APAF1: variants seen among roughly 807,000 people sequenced by gnomAD.
APAF1 encodes the protein apoptotic protease-activating factor 1.
APAF1 carries 91 observed loss-of-function variants against 152.4 expected under a neutral mutation model. The ratio of observed to expected loss-of-function variants is 0.60; its 90% CI spans 0.50 to 0.71. The LOEUF (loss-of-function observed/expected upper bound fraction) is 0.71, where lower values mean the gene tolerates loss of function less well. Among genes scored for constraint, APAF1 ranks in the 30% least tolerant of loss-of-function variants. The pLI, the probability that APAF1 is intolerant of heterozygous loss-of-function variation, is 0.00. For missense variants in APAF1, 1,283 were observed against 1,472.0 expected (o/e 0.87, Z 2.10); for synonymous variants, 484 against 494.1 (o/e 0.98, Z 0.27).
At chr12:98,650,837 T>G (rs73374754) in intron 4 of APAF1, among the ~76,000 whole-genome samples, 3,868 of 152,262 alleles carry the variant, frequency 0.025, 171 homozygotes, top group African/African-American at 0.089. Flanking sequence ...CAGGATAAAT[T>G]TAGCTTAAGT....
chr12:98,725,338 A>G (rs1437151240), intron 24 of APAF1, 77 bp from the exon 25 acceptor site: 1 of 1,574,348 alleles, frequency 6.4e-7, no homozygotes, highest in African/African-American at 1.3e-5. Flanking sequence ...GATTGAATTT[A>G]TGGCTGAATA....
chr12:98,723,352 T>G (rs750367842), intron 23 of APAF1, 40 bp downstream of exon 23: 5 of 1,588,966 alleles, frequency 3.1e-6, no homozygotes, highest in Non-Finnish European at 4.3e-6. Flanking sequence ...AAAAGTATTC[T>G]CATATTGCAA....
At chr12:98,645,959 G>T (rs1476287243) in intron 1 of APAF1, 124 bp downstream of exon 1, 1 of 152,240 alleles carries the variant, frequency 6.6e-6, no homozygotes, top group Non-Finnish European at 1.5e-5. Flanking sequence ...GTACCAGGAA[G>T]AGAAATTCTG....
chr12:98,679,244 T>C (rs12578662), intron 13 of APAF1, among the ~76,000 whole-genome samples: 18,304 of 152,110 alleles, frequency 0.12, 1,153 homozygotes, highest in East Asian at 0.23. Context: ...CCCACTCTAG[T>C]GCCCCCTCTT....
chr12:98,688,050 T>TA (rs1485318036), intron 16 of APAF1, among the ~76,000 whole-genome samples: 1 of 152,302 alleles, frequency 6.6e-6, no homozygotes, highest in East Asian at 1.9e-4. Context: ...ACTTATAATT[T>TA]ATTCATTCTG....
intron 13 of APAF1, 133 bp from the exon 14 acceptor site, chr12:98,680,144 G>T: frequency 1.3e-6 from 1 of 798,472 alleles, no homozygotes; most frequent in Non-Finnish European, 2.0e-6. Context: ...TTCTGATTTT[G>T]GGAGTAGCTT....
At chr12:98,726,900 A>C (rs939063600) in intron 25 of APAF1, among the ~76,000 whole-genome samples, 3 of 151,988 alleles carry the variant, frequency 2.0e-5, no homozygotes, top group Non-Finnish European at 2.9e-5. Context: ...TTCTAGGGAG[A>C]GATTTACAAA....
rs1213155280 is a variant in APAF1 at position 98,712,314 on chromosome 12, A to G, written c.2842-5A>G. On this transcript the variant is annotated splice_polypyrimidine_tract_variant and splice_region_variant and intron_variant, in intron 20 of 26. Coordinates refer to ENST00000551964, the MANE Select transcript of APAF1 (RefSeq NM_181861.2). ...AATAACTGATTTTGCCTCATTTTTC[A>G]TTAGCTCATTAATGGAAGAACAGGT... 2 of 1,581,794 alleles carry G rather than the reference A, an allele frequency of 1.3e-6. No individual in the cohort carries two copies. Among genetic ancestry groups the G allele is most frequent in the Admixed American group, 1.7e-5 (1 of 59,964 alleles).
intron 4 of APAF1, among the ~76,000 whole-genome samples, chr12:98,658,476 A>C (rs1036005265): frequency 8.5e-5 from 13 of 152,224 alleles, no homozygotes; most frequent in African/African-American, 3.1e-4. Context: ...GCAACTCTGA[A>C]ATAGGTGGGC....
In APAF1 at chr12:98,727,207, T is replaced by C; in HGVS notation, c.3491T>C (p.Leu1164Ser). ...WNVSNGELLH[L>S]CAPLSEEGAA... The stretch of plus-strand genomic sequence containing the variant: ...GTCTCAAACGGTGAGCTTCTTCATT[T>C]GTGTGCTCCGCTTTCAGAAGAAGGA... The change falls in exon 26 of 27, where the codon TTG becomes TCG. Residue 1164 changes from leucine (L) to serine (S), a missense_variant. Coordinates refer to ENST00000551964, the MANE Select transcript of APAF1 (RefSeq NM_181861.2). The C allele has an allele frequency of 6.2e-7, 1 of 1,614,190 alleles. No homozygotes were observed. Among genetic ancestry groups the C allele is most frequent in the African/African-American group, 1.3e-5 (1 of 75,052 alleles).
In APAF1 at chr12:98,706,531, A is replaced by G. The variant is rs749986237; in HGVS notation, c.2642A>G (p.His881Arg). The G allele has an allele frequency of 5.6e-6, 9 of 1,614,014 alleles. No individual in the cohort carries two copies. The highest frequency in any genetic ancestry group is 7.6e-6 in the Non-Finnish European group (9 of 1,179,886). The change falls in exon 19 of 27, where the codon CAT becomes CGT. Residue 881 changes from histidine to arginine, a missense_variant. By Grantham distance (29) the His-to-Arg change is conservative. Transcript: ENST00000551964. ...SRSKVADCRG[H>R]LSWVHGVMFS... ...TCAAAGGTGGCTGATTGCAGAGGAC[A>G]TTTAAGTTGGGTTCATGGTGTGATG...
intron 13 of APAF1, among the ~76,000 whole-genome samples, chr12:98,677,894 A>C (rs527500977): frequency 1.8e-4 from 27 of 152,334 alleles, no homozygotes; most frequent in African/African-American, 6.0e-4. Flanking sequence ...AGTGATTAGG[A>C]AAATACCTAT....
At chr12:98,723,066 C>A in intron 22 of APAF1, 127 bp from the exon 23 acceptor site, 1 of 958,926 alleles carries the variant, frequency 1.0e-6, no homozygotes, top group Non-Finnish European at 1.6e-6. Context: ...CTCTCTTATT[C>A]CTCTCTGTTT....
chr12:98,662,977 A>G (rs1276568272), intron 7 of APAF1, among the ~76,000 whole-genome samples, 171 bp downstream of exon 7: 1 of 152,196 alleles, frequency 6.6e-6, no homozygotes, highest in African/African-American at 2.4e-5. Context: ...ATATTATGGT[A>G]TTTATTTATT....
At chr12:98,687,399 A>T (rs1434650056) in intron 16 of APAF1, among the ~76,000 whole-genome samples, 1 of 151,158 alleles carries the variant, frequency 6.6e-6, no homozygotes, top group Non-Finnish European at 1.5e-5. Flanking sequence ...TAGAATTTTT[A>T]TTCTTTTAAT....
intron 22 of APAF1, among the ~76,000 whole-genome samples, chr12:98,720,651 C>T (rs1304279507): frequency 6.6e-6 from 1 of 152,072 alleles, no homozygotes. Flanking sequence ...GTATATAGGA[C>T]TATGTTAGTT....
rs185534402 is a variant in APAF1 at position 98,698,824 on chromosome 12, A to G, written c.2305-584A>G. 1.4e-3 allele frequency among the ~76,000 whole-genome samples: 206 copies of G among 152,326 alleles called. 1 individual carries two copies. The highest frequency in any genetic ancestry group is 4.5e-3 in the African/African-American group (185 of 41,568). ...TCTTTTGTGCTATTCAAGTGGTCCT[A>G]CTAGTGAGCAAAGTTTACAGTATTT... On this transcript the variant is annotated intron_variant, in intron 16 of 26. Transcript: ENST00000551964.
At chr12:98,663,795 A>G (rs2097668593) in intron 7 of APAF1, among the ~76,000 whole-genome samples, 1 of 150,750 alleles carries the variant, frequency 6.6e-6, no homozygotes, top group East Asian at 2.0e-4. Flanking sequence ...AGTATCTGGG[A>G]CTACAGGCAT....
chr12:98,709,652 C>A (rs974040856), intron 20 of APAF1, among the ~76,000 whole-genome samples: 2 of 152,116 alleles, frequency 1.3e-5, no homozygotes, highest in African/African-American at 4.8e-5. Flanking sequence ...CCAAGCAGAA[C>A]AGCAGAGTAT....
Sources: allele counts gnomAD v4.1 joint callset (sites outside exome capture counted in the v4.1 genomes callset), GRCh38; gene constraint gnomAD v4.1.1; transcripts MANE v1.5; gene names NCBI Gene and HGNC (gene_info 2026-07-23, HGNC 2026-07-21).